NUP205: variants seen among roughly 807,000 people sequenced by gnomAD.
NUP205 encodes the protein nucleoporin 205.
NUP205 carries 76 observed loss-of-function variants against 253.8 expected under a neutral mutation model. That is an observed-to-expected ratio of 0.30 (90% CI 0.25 to 0.36). The LOEUF is 0.36. NUP205 is among the 10% of genes least tolerant of loss of function. The probability of loss-of-function intolerance (pLI) is 1.00; values close to 1 mark genes in which losing one functional copy is unlikely to be tolerated. For synonymous variants in NUP205, 832 were observed against 850.1 expected (o/e 0.98, Z 0.37); for missense variants, 2,162 against 2,425.5 (o/e 0.89, Z 2.28).
intron 22 of NUP205, among the ~76,000 whole-genome samples, chr7:135,611,618 A>G (rs910269391): frequency 6.6e-6 from 1 of 151,808 alleles, no homozygotes; most frequent in Non-Finnish European, 1.5e-5. Context: ...CTGTGCTGCA[A>G]CAATGTAAAT....
intron 19 of NUP205, 91 bp downstream of exon 19, chr7:135,604,551 C>A (rs1794044918): frequency 7.8e-7 from 1 of 1,283,560 alleles, no homozygotes; most frequent in Non-Finnish European, 1.1e-6. Flanking sequence ...GAATCATATT[C>A]TTGGTTGTGG....
At chr7:135,615,701 C>T (rs1361662932) in intron 23 of NUP205, among the ~76,000 whole-genome samples, 4 of 152,028 alleles carry the variant, frequency 2.6e-5, no homozygotes, top group Non-Finnish European at 5.9e-5. Flanking sequence ...TACTTTAGCC[C>T]ATCTTTCGTA....
chr7:135,558,254 C>T, intron 1 of NUP205: 2 of 471,914 alleles, frequency 4.2e-6, no homozygotes, highest in Non-Finnish European at 7.8e-6. Context: ...GTCTGGTCCC[C>T]CTCACCCCCA....
At chr7:135,615,823 C>A in intron 23 of NUP205, 93 bp from the exon 24 acceptor site, 1 of 701,868 alleles carries the variant, frequency 1.4e-6, no homozygotes, top group South Asian at 3.9e-5. Context: ...GACTTTGTTA[C>A]ATGGGAAAAT....
intron 1 of NUP205, among the ~76,000 whole-genome samples, chr7:135,561,248 G>A (rs1267403044): frequency 2.0e-5 from 3 of 152,136 alleles, no homozygotes; most frequent in African/African-American, 7.2e-5. Flanking sequence ...GGAGGCTGAG[G>A]CAGGAGAATT....
At chr7:135,587,725 C>A in intron 9 of NUP205, 34 bp downstream of exon 9, 1 of 1,528,858 alleles carries the variant, frequency 6.5e-7, no homozygotes, top group South Asian at 1.2e-5. Context: ...TGTCCTCTTT[C>A]CCTCCTTTCA....
intron 19 of NUP205, among the ~76,000 whole-genome samples, chr7:135,604,686 A>G (rs1036322341): frequency 1.2e-4 from 19 of 152,226 alleles, no homozygotes; most frequent in African/African-American, 4.6e-4. Flanking sequence ...GGTATGTGGC[A>G]CACTGCTACT....
chr7:135,647,986 A>C (rs1161305921), intron 42 of NUP205, among the ~76,000 whole-genome samples: 2 of 152,188 alleles, frequency 1.3e-5, no homozygotes, highest in Admixed American at 6.6e-5. Flanking sequence ...TGAAGTAAAA[A>C]GTAAAAGCTT....
chr7:135,638,437 A>G (rs1794858473), intron 37 of NUP205, 120 bp from the exon 38 acceptor site: 1 of 883,678 alleles, frequency 1.1e-6, no homozygotes, highest in Admixed American at 2.4e-5. Context: ...AAAAAAGAAT[A>G]CACAGATGTG....
At chr7:135,575,224 A>G (rs1305890650) in intron 3 of NUP205, among the ~76,000 whole-genome samples, 7 of 152,178 alleles carry the variant, frequency 4.6e-5, no homozygotes, top group African/African-American at 1.7e-4. Context: ...AGATTTAGAG[A>G]TGGTATTAGA....
At chr7:135,605,282 G>A (rs1246628359) in intron 19 of NUP205, among the ~76,000 whole-genome samples, 1 of 152,136 alleles carries the variant, frequency 6.6e-6, no homozygotes, top group Non-Finnish European at 1.5e-5. Flanking sequence ...CTCCCAAAGT[G>A]CTAGGATTAC....
intron 2 of NUP205, among the ~76,000 whole-genome samples, chr7:135,572,061 G>A (rs1338392446): frequency 3.9e-5 from 6 of 152,040 alleles, no homozygotes; most frequent in Admixed American, 6.6e-5. Context: ...GTCTTGCTAT[G>A]TTGCCCAGGC....
intron 10 of NUP205, among the ~76,000 whole-genome samples, chr7:135,588,571 A>C (rs1368926641): frequency 3.3e-5 from 5 of 150,856 alleles, no homozygotes; most frequent in African/African-American, 1.2e-4. Context: ...AAAGGCATCC[A>C]GTCTCTTTAT....
intron 2 of NUP205, among the ~76,000 whole-genome samples, chr7:135,572,620 G>A (rs537721953): frequency 2.0e-5 from 3 of 152,318 alleles, no homozygotes; most frequent in Admixed American, 1.3e-4. Flanking sequence ...GGAGTGCAGC[G>A]GTGCGATCTT....
intron 38 of NUP205, among the ~76,000 whole-genome samples, chr7:135,641,633 G>A (rs1053174783): frequency 6.8e-6 from 1 of 146,934 alleles, no homozygotes; most frequent in Non-Finnish European, 1.5e-5. Flanking sequence ...TTAGCTGGGT[G>A]TGGTGGCGTG....
intron 1 of NUP205, among the ~76,000 whole-genome samples, chr7:135,570,085 A>G (rs1235280919): frequency 6.7e-6 from 1 of 150,136 alleles, no homozygotes; most frequent in East Asian, 1.9e-4. Context: ...AGAGAGAGAG[A>G]GAGAGAGAGA....
Position 135,603,003 on chromosome 7 carries a change from C to T in NUP205, c.2702+9C>T, listed in dbSNP as rs757640620. ...GTGGTAAACATTGCCAGGTAAGTTA[C>T]CTTTGTAGGTAGAGAAATGAAGTAA... On this transcript the variant is annotated intron_variant, in intron 18 of 42. Coordinates refer to ENST00000285968, the MANE Select transcript of NUP205 (RefSeq NM_015135.3). The T allele has an allele frequency of 8.1e-6, 13 of 1,596,078 alleles. No homozygotes were observed. The South Asian group carries it at 1.1e-4, about 14-fold the overall frequency.
rs756513495 is a variant in NUP205, at chr7:135,591,525, C to T, written c.1549C>T (p.Leu517Phe). ...PTIYIPYLKM[L>F]QGLANGPQCA... is the part of the protein sequence containing the mutation. ...TATTTATATTCCTTATTTGAAGATG[C>T]TCCAGGGATTGGCCAATGGGCCTCA... The change falls in exon 11 of 43, where the codon CTC becomes TTC. Residue 517 changes from leucine to phenylalanine, a missense_variant. By Grantham distance (22) the Leu-to-Phe change is conservative (BLOSUM62 0). Around this residue, in one of 5 missense-constraint regions of NUP205, gnomAD observed 892 missense variants for 957.1 expected, o/e 0.93. Transcript: ENST00000285968. The T allele has an allele frequency of 6.2e-7, 1 of 1,613,966 alleles. No individual in the cohort carries two copies.
chr7:135,601,316 G>T (rs997430399), intron 16 of NUP205, 54 bp from the exon 17 acceptor site: 1 of 1,487,166 alleles, frequency 6.7e-7, no homozygotes, highest in Non-Finnish European at 9.2e-7. Flanking sequence ...TAAATCAAGG[G>T]TGTGACAAAA....
Sources: allele counts gnomAD v4.1 joint callset (sites outside exome capture counted in the v4.1 genomes callset), GRCh38; gene constraint gnomAD v4.1.1; regional missense constraint gnomAD v4.1.1; transcripts MANE v1.5; gene names NCBI Gene and HGNC (gene_info 2026-07-23, HGNC 2026-07-21).